Variants in ATG10 observed in about 807,000 individuals in gnomAD.
ATG10 encodes ubiquitin-like-conjugating enzyme ATG10.
Under a neutral mutation model 32.1 loss-of-function variants are expected in ATG10, and 30 were observed. The ratio of observed to expected loss-of-function variants is 0.94; its 90% CI spans 0.70 to 1.27. The LOEUF is 1.27. Ranked by LOEUF, ATG10 falls within the 50% of genes most tolerant of loss-of-function variation. The pLI is 0.00. For synonymous variants in ATG10, 87 were observed against 91.5 expected (o/e 0.95, Z 0.28); for missense variants, 233 against 262.3 (o/e 0.89, Z 0.77).
intron 3 of ATG10, among the ~76,000 whole-genome samples, chr5:82,137,599 A>C (rs570125279): frequency 2.2e-4 from 34 of 152,264 alleles, no homozygotes; most frequent in African/African-American, 7.9e-4. Context: ...TTCTTCTCAG[A>C]GGGCCACCTG....
chr5:82,058,932 T>C (rs966196514), intron 3 of ATG10, among the ~76,000 whole-genome samples: 2 of 152,156 alleles, frequency 1.3e-5, no homozygotes, highest in Non-Finnish European at 2.9e-5. Flanking sequence ...CGTCATACTT[T>C]TGGTTTCTCT....
At chr5:82,125,841 G>A (rs28827013) in intron 3 of ATG10, among the ~76,000 whole-genome samples, 1,999 of 152,106 alleles carry the variant, frequency 0.013, 35 homozygotes, top group African/African-American at 0.044. Context: ...TGGGAATAGC[G>A]TTGAATCTAT....
At chr5:82,047,555 C>A (rs1007585482) in intron 2 of ATG10, among the ~76,000 whole-genome samples, 1 of 152,206 alleles carries the variant, frequency 6.6e-6, no homozygotes, top group African/African-American at 2.4e-5. Flanking sequence ...TATATAAACA[C>A]ATATGCATGT....
chr5:82,006,009 G>A (rs897932526), intron 2 of ATG10, among the ~76,000 whole-genome samples: 17 of 151,866 alleles, frequency 1.1e-4, no homozygotes, highest in African/African-American at 3.4e-4. Context: ...TTTAGGAACC[G>A]CTTATTGAAA....
intron 3 of ATG10, among the ~76,000 whole-genome samples, chr5:82,062,309 C>G (rs1763811027): frequency 6.6e-6 from 1 of 151,888 alleles, no homozygotes; most frequent in South Asian, 2.1e-4. Flanking sequence ...CCAGTCAACT[C>G]CAGTGTTTTA....
At chr5:81,996,120 T>A (rs1423836738) in intron 2 of ATG10, among the ~76,000 whole-genome samples, 2 of 152,252 alleles carry the variant, frequency 1.3e-5, no homozygotes, top group African/African-American at 4.8e-5. Flanking sequence ...TTAACTTTTA[T>A]TCTTCTTCCA....
rs369975838 is a variant in ATG10 at position 82,194,022 on chromosome 5, T to C, written c.453+15435T>C. Among the ~76,000 whole-genome samples, 55 of 152,350 alleles carry C rather than the reference T, an allele frequency of 3.6e-4. No homozygotes were observed. In the South Asian group the frequency reaches 5.2e-3, roughly 14 times the overall value. ...CATGGGGGAACAAATTGTCTCACAA[T>C]AGGTCTTTCTTCTGTTGATGAAGCT... On this transcript the variant is annotated intron_variant, in intron 5 of 7. Transcript: ENST00000282185.
intron 2 of ATG10, among the ~76,000 whole-genome samples, chr5:81,993,148 G>A (rs1761509342): frequency 6.6e-6 from 1 of 151,908 alleles, no homozygotes; most frequent in African/African-American, 2.4e-5. Flanking sequence ...TTTACTAACT[G>A]GATTTTGGAC....
intron 5 of ATG10, among the ~76,000 whole-genome samples, chr5:82,199,985 G>GA: frequency 6.6e-6 from 1 of 152,242 alleles, no homozygotes; most frequent in South Asian, 2.1e-4. Context: ...TTTTATTGCT[G>GA]AGTAGTATTC....
intron 2 of ATG10, among the ~76,000 whole-genome samples, chr5:81,993,336 C>CTTCCTTCCTTCTTTCTTTCT (rs1554039310): frequency 8.1e-4 from 63 of 77,676 alleles, no homozygotes; most frequent in African/African-American, 3.8e-3. Context: ...TCCTTCCTTC[C>CTTCCTTCCTTCTTTCTTTCT]TTCTTTCTTT....
At chr5:82,065,944 C>T (rs935628162) in intron 3 of ATG10, among the ~76,000 whole-genome samples, 5 of 151,354 alleles carry the variant, frequency 3.3e-5, no homozygotes, top group African/African-American at 1.2e-4. Context: ...CTAATGAAGA[C>T]TAGAGAGACT....
intron 3 of ATG10, among the ~76,000 whole-genome samples, chr5:82,065,346 G>A (rs1166565203): frequency 2.6e-5 from 4 of 151,954 alleles, no homozygotes; most frequent in Admixed American, 2.0e-4. Context: ...AAAATTAGCT[G>A]GGCGTGGTGG....
chr5:82,200,314 C>T (rs1745015260), intron 5 of ATG10, among the ~76,000 whole-genome samples: 1 of 137,804 alleles, frequency 7.3e-6, no homozygotes. Context: ...TTTACTTTAA[C>T]TATAACAATA....
At chr5:82,096,132 C>T (rs887142395) in intron 3 of ATG10, among the ~76,000 whole-genome samples, 9 of 152,116 alleles carry the variant, frequency 5.9e-5, no homozygotes, top group South Asian at 2.1e-4. Flanking sequence ...ACATGGATAC[C>T]GTTTTATAGT....
At chr5:81,981,818 C>T (rs1030546697) in intron 1 of ATG10, among the ~76,000 whole-genome samples, 1 of 152,082 alleles carries the variant, frequency 6.6e-6, no homozygotes. Flanking sequence ...GATTAAAAAT[C>T]ACATTAAACA....
At chr5:82,034,068 A>G (rs1447404599) in intron 2 of ATG10, among the ~76,000 whole-genome samples, 2 of 150,028 alleles carry the variant, frequency 1.3e-5, no homozygotes, top group African/African-American at 4.9e-5. Flanking sequence ...ATATGTGTAT[A>G]TTGTATGTGT....
chr5:81,983,538 G>A (rs545422484), intron 1 of ATG10, among the ~76,000 whole-genome samples: 1 of 148,606 alleles, frequency 6.7e-6, no homozygotes, highest in South Asian at 2.1e-4. Flanking sequence ...CCTCCCGGAT[G>A]GGGCCGCTGG....
rs34770803 is a variant in ATG10 at position 82,200,864 on chromosome 5, A to ATTATTTATTTAT, written c.453+22308_453+22319dup. On this transcript the variant is annotated intron_variant, in intron 5 of 7. Coordinates refer to ENST00000282185, the MANE Select transcript of ATG10 (RefSeq NM_031482.5). ...TGAAGTCCAATTTATTTAAAAATACATTATTTATTTATTTATTTATTTATT... is the reference window on the plus strand; with the variant it reads ...TGAAGTCCAATTTATTTAAAAATACATTATTTATTTATTTATTTATTTATTTATTTATTTATT... Among the ~76,000 whole-genome samples, 922 of 143,190 alleles carry ATTATTTATTTAT rather than the reference A, an allele frequency of 6.4e-3. 10 individuals are homozygous for ATTATTTATTTAT. The highest frequency in any genetic ancestry group is 0.019 in the African/African-American group (727 of 38,290). The allele number at this position is 143,190 out of a possible 152,430, so 93.9% of individuals were successfully genotyped here. A position where few individuals can be genotyped will look rare whatever the true frequency, so the allele number is the denominator to read the frequency against.
At chr5:82,132,403 A>AT (rs1766576482) in intron 3 of ATG10, among the ~76,000 whole-genome samples, 1 of 106,696 alleles carries the variant, frequency 9.4e-6, no homozygotes, top group Non-Finnish European at 1.9e-5. Flanking sequence ...TCCCTCCCCT[A>AT]GCCCCCCCAC....
Sources: allele counts gnomAD v4.1 joint callset (sites outside exome capture counted in the v4.1 genomes callset), GRCh38; gene constraint gnomAD v4.1.1; transcripts MANE v1.5; gene names NCBI Gene and HGNC (gene_info 2026-07-23, HGNC 2026-07-21).